The following CDH13 variants were observed in gnomAD, a reference collection of about 807,000 sequenced individuals.
The protein encoded by CDH13 is cadherin 13, also known as cadherin-13.
In CDH13, 24 loss-of-function variants were observed where a neutral mutation model predicts 63.8. The observed-to-expected ratio is 0.38, with a 90% CI of 0.27 to 0.53. CDH13 has a LOEUF of 0.53. Among genes scored for constraint, CDH13 ranks in the 20% least tolerant of loss-of-function variants. The probability of loss-of-function intolerance (pLI) is 0.85; values close to 1 mark genes in which losing one functional copy is unlikely to be tolerated. For synonymous variants in CDH13, 503 were observed against 355.3 expected, an observed-to-expected ratio of 1.42 and a Z score of -4.67; for missense variants, 1,049 against 903.1, an observed-to-expected ratio of 1.16 and a Z score of -2.07.
intron 1 of CDH13, among the ~76,000 whole-genome samples, chr16:82,805,869 G>A (rs2037113998): frequency 6.6e-6 from 1 of 152,166 alleles, no homozygotes; most frequent in African/African-American, 2.4e-5. Flanking sequence ...ACTCTAGTGT[G>A]CAAATAAGAC....
At chr16:82,934,901 G>A (rs1027313031) in intron 2 of CDH13, among the ~76,000 whole-genome samples, 6 of 152,186 alleles carry the variant, frequency 3.9e-5, no homozygotes, top group African/African-American at 1.4e-4. Flanking sequence ...TATCTAGTAA[G>A]TTCCAAACTT....
At chr16:83,764,103 C>T (rs254334) in intron 11 of CDH13, among the ~76,000 whole-genome samples, 100,049 of 152,064 alleles carry the variant, frequency 0.66, 33,801 homozygotes, top group Admixed American at 0.74. Context: ...ATAAGAAATG[C>T]TTAAGTGAAC....
At chr16:83,060,963 G>C (rs548363451) in intron 3 of CDH13, among the ~76,000 whole-genome samples, 114 of 152,212 alleles carry the variant, frequency 7.5e-4, no homozygotes, top group African/African-American at 2.5e-3. Flanking sequence ...CCCCTCAATG[G>C]CTAATGACTC....
At chr16:83,727,153 C>T (rs1910507421) in intron 10 of CDH13, among the ~76,000 whole-genome samples, 2 of 152,088 alleles carry the variant, frequency 1.3e-5, no homozygotes, top group African/African-American at 2.4e-5. Context: ...TAAAGAGAAG[C>T]CCCATCCCCC....
chr16:82,697,891 TGTTTA>T (rs1298246649), intron 1 of CDH13, among the ~76,000 whole-genome samples: 1 of 152,164 alleles, frequency 6.6e-6, no homozygotes, highest in East Asian at 1.9e-4. Flanking sequence ...GGAACTATAC[TGTTTA>T]TTGTTGCCCC....
intron 7 of CDH13, among the ~76,000 whole-genome samples, chr16:83,497,326 C>T (rs922214218): frequency 1.3e-5 from 2 of 151,932 alleles, no homozygotes; most frequent in African/African-American, 4.8e-5. Flanking sequence ...GAATACTATG[C>T]AGCCATAAAA....
chr16:83,401,470 T>A (rs2091967227), intron 6 of CDH13, among the ~76,000 whole-genome samples: 1 of 151,802 alleles, frequency 6.6e-6, no homozygotes. Flanking sequence ...TGAGATCGCA[T>A]CACTGCACTC....
chr16:83,554,451 C>T (rs1249904623), intron 7 of CDH13, among the ~76,000 whole-genome samples: 1 of 152,172 alleles, frequency 6.6e-6, no homozygotes, highest in Non-Finnish European at 1.5e-5. Context: ...AAAATAGCAG[C>T]ATGGCTGTGA....
At chr16:83,647,384 C>T (rs1488945145) in intron 8 of CDH13, among the ~76,000 whole-genome samples, 1 of 151,938 alleles carries the variant, frequency 6.6e-6, no homozygotes, top group African/African-American at 2.4e-5. Flanking sequence ...GTGTTGCTCA[C>T]GGGTGACCCC....
intron 4 of CDH13, among the ~76,000 whole-genome samples, chr16:83,193,473 G>T (rs2038787033): frequency 6.6e-6 from 1 of 152,200 alleles, no homozygotes; most frequent in South Asian, 2.1e-4. Context: ...GGGGGTTACA[G>T]ACTCCGTTAT....
intron 1 of CDH13, among the ~76,000 whole-genome samples, chr16:82,819,360 C>G (rs1234425189): frequency 2.6e-5 from 4 of 152,174 alleles, no homozygotes; most frequent in Admixed American, 6.5e-5. Context: ...GTATCAAATG[C>G]TGATTCTCAA....
At chr16:82,627,355 TG>T (rs1907432545) in intron 1 of CDH13, among the ~76,000 whole-genome samples, 1 of 151,442 alleles carries the variant, frequency 6.6e-6, no homozygotes, top group African/African-American at 2.4e-5. Flanking sequence ...TGTGTGTGTG[TG>T]TGTGTGTGTG....
intron 1 of CDH13, among the ~76,000 whole-genome samples, chr16:82,765,485 G>A (rs8054331): frequency 0.011 from 1,732 of 152,126 alleles, 30 homozygotes; most frequent in African/African-American, 0.04. Context: ...CTGAAAATCC[G>A]CTGACAGCTC....
chr16:82,935,300 G>A (rs574493687), intron 2 of CDH13, among the ~76,000 whole-genome samples: 3 of 152,278 alleles, frequency 2.0e-5, no homozygotes, highest in African/African-American at 7.2e-5. Flanking sequence ...AACAGCATGA[G>A]GGGAAGGCTC....
chr16:83,701,280 C>T (rs1006376698), intron 10 of CDH13, among the ~76,000 whole-genome samples: 3 of 152,176 alleles, frequency 2.0e-5, no homozygotes, highest in African/African-American at 4.8e-5. Flanking sequence ...AGCAAGAGGG[C>T]AGCCGAATGG....
At chr16:82,965,159 C>T (rs554377546) in intron 2 of CDH13, among the ~76,000 whole-genome samples, 1 of 152,310 alleles carries the variant, frequency 6.6e-6, no homozygotes, top group Admixed American at 6.5e-5. Context: ...TTCTCTCATC[C>T]CACTTCTGCT....
At chr16:83,210,611 G>A (rs541465123) in intron 4 of CDH13, among the ~76,000 whole-genome samples, 1 of 152,106 alleles carries the variant, frequency 6.6e-6, no homozygotes, top group Admixed American at 6.5e-5. Flanking sequence ...CTTGAGATCT[G>A]GGTTAAGGAG....
chr16:83,254,826 G>A (rs1256646213), intron 5 of CDH13, among the ~76,000 whole-genome samples: 1 of 152,124 alleles, frequency 6.6e-6, no homozygotes, highest in East Asian at 1.9e-4. Flanking sequence ...CCTGTACCAA[G>A]CCTAATAAGA....
At position 82,978,760 on chromosome 16, in the gene CDH13, C is replaced by T. The variant is rs3919585; in HGVS notation, c.158-53250C>T. Among the ~76,000 whole-genome samples, 340 of 152,358 alleles carry T rather than the reference C, an allele frequency of 2.2e-3. 1 individual carries two copies. Among genetic ancestry groups the T allele is most frequent in the Middle Eastern group, 0.017 (5 of 294 alleles). ...CACTCATGGAGAACCTCTGCTAGAG[C>T]AGTGCAGAAGGGAAATATGGGGTTG... is the stretch of plus-strand genomic sequence containing the variant. On this transcript the variant is annotated intron_variant, in intron 2 of 13. Transcript: ENST00000567109.
Sources: allele counts gnomAD v4.1 joint callset (sites outside exome capture counted in the v4.1 genomes callset), GRCh38; gene constraint gnomAD v4.1.1; transcripts MANE v1.5; gene names NCBI Gene and HGNC (gene_info 2026-07-23, HGNC 2026-07-21).